The following TRAF7 variants were observed in gnomAD, a reference collection of about 807,000 sequenced individuals.
TRAF7 encodes TNF receptor associated factor 7.
In TRAF7, 45 loss-of-function variants were observed where a neutral mutation model predicts 89.3. The ratio of observed to expected loss-of-function variants is 0.50; its 90% CI spans 0.40 to 0.65. The LOEUF (loss-of-function observed/expected upper bound fraction) is 0.65, where lower values mean the gene tolerates loss of function less well. Ranked by LOEUF, TRAF7 falls within the 30% of genes least tolerant of loss-of-function variation. The probability of loss-of-function intolerance (pLI) is 0.00; values close to 1 mark genes in which losing one functional copy is unlikely to be tolerated. For missense variants in TRAF7, 677 were observed against 918.1 expected (o/e 0.74, Z 3.39); for synonymous variants, 406 against 369.2 (o/e 1.10, Z -1.14).
At position 2,163,776 on chromosome 16, in the gene TRAF7, C is replaced by T. The variant is rs1050823628; in HGVS notation, c.-38-107C>T. The T allele has an allele frequency of 5.3e-5, 39 of 732,804 alleles. No homozygotes were observed. Among genetic ancestry groups the T allele is most frequent in the Admixed American group, 1.3e-4 (6 of 45,650 alleles). The allele number at this position is 732,804 out of a possible 1,614,324, so 45.4% of individuals were successfully genotyped here. The stretch of plus-strand genomic sequence containing the variant: ...GGCTGGTGGTGGAAGGCTGCTGCGG[C>T]GGCCCCACGGTGCCCCACAGCAGGT... On this transcript the variant is annotated intron_variant, in intron 1 of 20. Transcript: ENST00000326181. This position sits in a 1 kb window ranked among gnomAD's most constrained non-coding sequence, Gnocchi z 4.3.
chr16:2,164,175 C>CGCGCGCGCGCACGCGT (rs1555465738), intron 2 of TRAF7, among the ~76,000 whole-genome samples, 174 bp downstream of exon 2: 1 of 119,592 alleles, frequency 8.4e-6, no homozygotes, highest in Non-Finnish European at 1.7e-5. Context: ...CGCGCGCGCG[C>CGCGCGCGCGCACGCGT]GCGCGCACGC....
rs761094138 is a variant in TRAF7 at position 2,158,246 on chromosome 16, G to T, written c.-39+2388G>T. On this transcript the variant is annotated intron_variant, in intron 1 of 20. Coordinates refer to ENST00000326181, the MANE Select transcript of TRAF7 (RefSeq NM_032271.3). This position sits in a 1 kb window ranked among gnomAD's most constrained non-coding sequence, Gnocchi z 4.7. ...ACCAGGCCCTCTGTGTGGATCATGC[G>T]GGGGGAACCTGTGGAGAGGGACCCA... is the stretch of plus-strand genomic sequence containing the variant. Among the ~76,000 whole-genome samples the T allele has an allele frequency of 4.6e-5, 7 of 151,986 alleles. No individual in the cohort carries two copies. Among genetic ancestry groups the T allele is most frequent in the African/African-American group, 1.7e-4 (7 of 41,442 alleles).
chr16:2,174,985 C>A, intron 14 of TRAF7, 126 bp from the exon 15 acceptor site: 2 of 1,166,952 alleles, frequency 1.7e-6, no homozygotes, highest in African/African-American at 1.5e-5. Flanking sequence ...AAGGACACAG[C>A]AGTGGCCTTG....
At position 2,172,455 on chromosome 16, in the gene TRAF7, C is replaced by T. The variant is rs1168949104; in HGVS notation, c.660-10C>T. On this transcript the variant is annotated splice_polypyrimidine_tract_variant and intron_variant, in intron 8 of 20. Transcript: ENST00000326181. ...TGGCTGAGGCCTCCCCGCATCCCGCCCTGGCACAGGGACCACGAGGGCAGC... is the reference window on the plus strand; with the variant it reads ...TGGCTGAGGCCTCCCCGCATCCCGCTCTGGCACAGGGACCACGAGGGCAGC... 1.9e-6 allele frequency: 3 copies of T among 1,610,716 alleles called. No individual in the cohort carries two copies. The highest frequency in any genetic ancestry group is 3.4e-4 in the Middle Eastern group (2 of 5,878).
chr16:2,168,225 C>A lies in TRAF7; in HGVS notation c.231+57C>A, dbSNP rs1004180348. ...CCTCAGCCTCCCCCCATCCTCCCTC[C>A]TGGGGGAACCAGGTCCCAGGAGGAG... On this transcript the variant is annotated intron_variant, in intron 4 of 20. Coordinates refer to ENST00000326181, the MANE Select transcript of TRAF7 (RefSeq NM_032271.3). This position sits in a 1 kb window ranked among gnomAD's most constrained non-coding sequence, Gnocchi z 4.1. 5.5e-6 allele frequency: 8 copies of A among 1,452,224 alleles called. No individual in the cohort carries two copies. The African/African-American group carries it at 1.1e-4, about 20-fold the overall frequency. 90.0% of individuals were successfully genotyped at this position (1,452,224 alleles called of 1,614,324 possible). A position where few individuals can be genotyped will look rare whatever the true frequency, so the allele number is the denominator to read the frequency against.
rs769847642 is a variant in TRAF7, at chr16:2,168,213, C to A, written c.231+45C>A. 2.0e-6 allele frequency: 3 copies of A among 1,530,000 alleles called. No homozygotes were observed. The highest frequency in any genetic ancestry group is 2.7e-6 in the Non-Finnish European group (3 of 1,125,200). The allele number at this position is 1,530,000 out of a possible 1,614,324, so 94.8% of individuals were successfully genotyped here. A position where few individuals can be genotyped will look rare whatever the true frequency, so the allele number is the denominator to read the frequency against. The stretch of plus-strand genomic sequence containing the variant: ...AGCCCGTGTGAGCCTCAGCCTCCCC[C>A]CATCCTCCCTCCTGGGGGAACCAGG... On this transcript the variant is annotated intron_variant, in intron 4 of 20. Coordinates refer to ENST00000326181, the MANE Select transcript of TRAF7 (RefSeq NM_032271.3). This position sits in a 1 kb window ranked among gnomAD's most constrained non-coding sequence, Gnocchi z 4.1.
Position 2,176,601 on chromosome 16 carries a change from C to T in TRAF7, c.*27C>T, listed in dbSNP as rs377344718. 1 of 1,613,366 alleles carries T rather than the reference C, an allele frequency of 6.2e-7. No individual in the cohort carries two copies. Among genetic ancestry groups the T allele is most frequent in the Non-Finnish European group, 8.5e-7 (1 of 1,179,984 alleles). ...AGGATCCAGGCCAGGCTGTGGTTTC[C>T]CCTGAACCAGCCCTGGACCTTTCTG... is the stretch of plus-strand genomic sequence containing the variant. On this transcript the variant is annotated 3_prime_UTR_variant, in exon 21 of 21. Transcript: ENST00000326181.
intron 19 of TRAF7, 25 bp from the exon 20 acceptor site, chr16:2,176,240 G>A (rs1245144250): frequency 6.2e-7 from 1 of 1,600,322 alleles, no homozygotes; most frequent in East Asian, 2.2e-5. Flanking sequence ...GCTCCGGCGG[G>A]CCCTCACGTC....
At chr16:2,164,452 T>C (rs1441058596) in intron 2 of TRAF7, among the ~76,000 whole-genome samples, 1 of 136,308 alleles carries the variant, frequency 7.3e-6, no homozygotes, top group Non-Finnish European at 1.6e-5. Context: ...TGGTTAAGCG[T>C]GTTAGTGCTG....
Position 2,176,312 on chromosome 16 carries a change from C to T in TRAF7, c.1926C>T (p.His642=), listed in dbSNP as rs753402359. Residue 642 remains histidine, a synonymous_variant, in exon 20 of 21, where the codon CAC becomes CAT. Coordinates refer to ENST00000326181, the MANE Select transcript of TRAF7 (RefSeq NM_032271.3). ...NMICTQTLLR[H]QGSVTALAVS... is the part of the protein sequence containing the mutation. ...TCTGCACGCAGACCCTGCTGCGTCA[C>T]CAGGGCAGTGTCACCGCGCTGGCTG... is the stretch of plus-strand genomic sequence containing the variant. 3.7e-6 allele frequency: 6 copies of T among 1,604,666 alleles called. No individual in the cohort carries two copies. In the East Asian group the frequency reaches 1.3e-4, roughly 36 times the overall value.
chr16:2,169,990 G>A (rs2093101552), intron 4 of TRAF7, among the ~76,000 whole-genome samples: 1 of 152,094 alleles, frequency 6.6e-6, no homozygotes, highest in African/African-American at 2.4e-5. Flanking sequence ...GGAAGGGACA[G>A]TGTCTGCCCC....
In TRAF7 at chr16:2,170,750, C is replaced by A; in HGVS notation, c.348+20C>A. 6.3e-7 allele frequency: 1 copy of A among 1,578,152 alleles called. No individual in the cohort carries two copies. The highest frequency in any genetic ancestry group is 1.8e-5 in the Admixed American group (1 of 56,296). The stretch of plus-strand genomic sequence containing the variant: ...GAGCCGGTAGGTGTGGGGGACTCGG[C>A]GCAGAGCGGCTTCCAGGGCTGTCAC... On this transcript the variant is annotated intron_variant, in intron 5 of 20. Transcript: ENST00000326181.
chr16:2,173,304 C>T lies in TRAF7; in HGVS notation c.917C>T (p.Ala306Val). The T allele has an allele frequency of 6.2e-7, 1 of 1,613,602 alleles. No individual in the cohort carries two copies. The highest frequency in any genetic ancestry group is 1.1e-5 in the South Asian group (1 of 91,072). Reference sequence around the variant, plus strand: ...TTCCACGAGATGCACGTGGCTCTGGCCCAGAAGGACCAGGAGATCGCCTTC... The same window carrying T: ...TTCCACGAGATGCACGTGGCTCTGGTCCAGAAGGACCAGGAGATCGCCTTC... ...DRFHEMHVALAQKDQEIAFLR... is the reference protein window; with the variant it reads ...DRFHEMHVALVQKDQEIAFLR... Residue 306 changes from alanine to valine, a missense_variant, in exon 10 of 21, where the codon GCC (alanine) becomes GTC (valine). Physicochemically the swap from Ala to Val is moderately conservative, Grantham distance 64. Transcript: ENST00000326181.
At chr16:2,172,635 G>GGC in intron 9 of TRAF7, 36 bp downstream of exon 9, 5 of 1,273,302 alleles carry the variant, frequency 3.9e-6, no homozygotes, top group South Asian at 1.3e-5. Context: ...GCCGGGGTGG[G>GGC]CGCAGGCCCT....
At position 2,168,012 on chromosome 16, in the gene TRAF7, G is replaced by C; in HGVS notation, c.140-65G>C. The C allele has an allele frequency of 6.6e-7, 1 of 1,504,116 alleles. No homozygotes were observed. 93.2% of individuals were successfully genotyped at this position (1,504,116 alleles called of 1,614,324 possible). A position where few individuals can be genotyped will look rare whatever the true frequency, so the allele number is the denominator to read the frequency against. On this transcript the variant is annotated intron_variant, in intron 3 of 20. Coordinates refer to ENST00000326181, the MANE Select transcript of TRAF7 (RefSeq NM_032271.3). This position sits in a 1 kb window ranked among gnomAD's most constrained non-coding sequence, Gnocchi z 4.1. ...CCCACAGGGTCGGGTATCCAGCATGGGCCCCACCTCCCCCACATCTGCTGA... is the reference window on the plus strand; with the variant it reads ...CCCACAGGGTCGGGTATCCAGCATGCGCCCCACCTCCCCCACATCTGCTGA...
chr16:2,175,827 C>T lies in TRAF7; in HGVS notation c.1627-7C>T, dbSNP rs2141296777. The T allele has an allele frequency of 1.2e-6, 2 of 1,613,004 alleles. No individual in the cohort carries two copies. Among genetic ancestry groups the T allele is most frequent in the Non-Finnish European group, 1.7e-6 (2 of 1,179,616 alleles). On this transcript the variant is annotated splice_polypyrimidine_tract_variant and splice_region_variant and intron_variant, in intron 17 of 20. Transcript: ENST00000326181. Reference sequence around the variant, plus strand: ...CCTGGGACCAACTGGCCCACGATTACTCATAGATCTGGGACATCCGAACCC... The same window carrying T: ...CCTGGGACCAACTGGCCCACGATTATTCATAGATCTGGGACATCCGAACCC...
At chr16:2,164,047 G>C in intron 2 of TRAF7, 46 bp downstream of exon 2, 2 of 1,537,904 alleles carry the variant, frequency 1.3e-6, no homozygotes, top group Non-Finnish European at 1.8e-6. Flanking sequence ...AGGACCCCCA[G>C]CATGCCCCAG....
At chr16:2,164,139 G>GGTGTGTGTGTGTGTGTGTGTGT (rs376580813) in intron 2 of TRAF7, 138 bp downstream of exon 2, 81 of 544,360 alleles carry the variant, frequency 1.5e-4, no homozygotes, top group South Asian at 1.6e-4. Context: ...GGGGGGGTGT[G>GGTGTGTGTGTGTGTGTGTGTGT]GTGTGTGTGT....
At position 2,158,343 on chromosome 16, in the gene TRAF7, G is replaced by T. The variant is rs958638166; in HGVS notation, c.-39+2485G>T. Among the ~76,000 whole-genome samples the T allele has an allele frequency of 3.3e-5, 5 of 152,232 alleles. No homozygotes were observed. The highest frequency in any genetic ancestry group is 7.3e-5 in the Non-Finnish European group (5 of 68,036). On this transcript the variant is annotated intron_variant, in intron 1 of 20. Transcript: ENST00000326181. This position sits in a 1 kb window ranked among gnomAD's most constrained non-coding sequence, Gnocchi z 4.7. The stretch of plus-strand genomic sequence containing the variant: ...TCCCTGGAGGAGGAGGGTGCAGCCA[G>T]GTGGGGCAGGTGAAAGGGGAAAGCG...
Sources: gnomAD v4.1 joint callset for allele counts (sites outside exome capture counted in the v4.1 genomes callset) on GRCh38, gnomAD v4.1.1 for gene constraint, Gnocchi (gnomAD v3.1) non-coding constraint, MANE v1.5 for transcripts, NCBI Gene and HGNC (gene_info 2026-07-23, HGNC 2026-07-21) for gene names.